SPG21: variants seen among roughly 807,000 people sequenced by gnomAD.
SPG21 encodes maspardin.
A neutral mutation model predicts 38.9 loss-of-function variants in SPG21; 26 were observed. The ratio of observed to expected loss-of-function variants is 0.67; its 90% CI spans 0.49 to 0.93. The LOEUF (loss-of-function observed/expected upper bound fraction) is 0.93. Ranked by LOEUF, SPG21 falls within the 40% of genes least tolerant of loss-of-function variation. The pLI, the probability that SPG21 is intolerant of heterozygous loss-of-function variation, is 0.00. For missense variants in SPG21, 333 were observed against 376.5 expected, an observed-to-expected ratio of 0.88 and a Z score of 0.96; for synonymous variants, 136 against 128.9, an observed-to-expected ratio of 1.05 and a Z score of -0.37.
chr15:64,970,676 T>G (rs2085644341), intron 5 of SPG21, among the ~76,000 whole-genome samples: 1 of 152,236 alleles, frequency 6.6e-6, no homozygotes, highest in African/African-American at 2.4e-5. Context: ...AATTTGCTAC[T>G]ATTAGATTCA....
At chr15:64,971,794 GCACTCC>G (rs1380494724) in intron 5 of SPG21, among the ~76,000 whole-genome samples, 1 of 152,170 alleles carries the variant, frequency 6.6e-6, no homozygotes, top group Non-Finnish European at 1.5e-5. Flanking sequence ...ACGTGCCACT[GCACTCC>G]AGCCTGGGCA....
intron 5 of SPG21, among the ~76,000 whole-genome samples, chr15:64,973,711 A>T (rs919815636): frequency 3.3e-5 from 5 of 152,170 alleles, no homozygotes; most frequent in Non-Finnish European, 7.3e-5. Flanking sequence ...GGCCTCCCAA[A>T]GTGCTGGGAT....
chr15:64,969,152 C>T, intron 7 of SPG21, 103 bp downstream of exon 7: 1 of 819,424 alleles, frequency 1.2e-6, no homozygotes, highest in South Asian at 1.4e-5. Context: ...GCCAAGGCAG[C>T]ATTTGAAGAG....
intron 2 of SPG21, among the ~76,000 whole-genome samples, chr15:64,982,158 T>C (rs2085898448): frequency 6.7e-6 from 1 of 148,992 alleles, no homozygotes; most frequent in South Asian, 2.1e-4. Context: ...TTTTTTTTTT[T>C]TTTTGAGACA....
chr15:64,980,707 C>T (rs1317270712), intron 3 of SPG21, among the ~76,000 whole-genome samples, 157 bp downstream of exon 3: 2 of 150,216 alleles, frequency 1.3e-5, no homozygotes, highest in African/African-American at 2.4e-5. Context: ...CACTGCACTC[C>T]AGCCCGGGCG....
intron 2 of SPG21, chr15:64,981,289 CTTTTTTTTT>C (rs34703670): frequency 7.1e-6 from 2 of 280,870 alleles, no homozygotes; most frequent in East Asian, 1.8e-4. Context: ...CCCCCTCCTC[CTTTTTTTTT>C]TTTTTTTTTG....
chr15:64,974,852 C>A, intron 4 of SPG21, 105 bp from the exon 5 acceptor site: 2 of 1,290,000 alleles, frequency 1.6e-6, no homozygotes, highest in Admixed American at 3.7e-5. Context: ...TATGTTATCA[C>A]TAGCCAATAG....
intron 7 of SPG21, among the ~76,000 whole-genome samples, chr15:64,966,994 T>A (rs2085552355): frequency 6.6e-6 from 1 of 152,142 alleles, no homozygotes; most frequent in African/African-American, 2.4e-5. Flanking sequence ...GATTTTTTTT[T>A]AAGTAAATTG....
In SPG21 at chr15:64,983,620, C is replaced by A. The variant is rs376095195; in HGVS notation, c.-24-27G>T. 5.0e-5 allele frequency: 66 copies of A among 1,323,974 alleles called. No homozygotes were observed. The African/African-American group carries it at 7.4e-4, about 15-fold the overall frequency. 82.0% of individuals were successfully genotyped at this position (1,323,974 alleles called of 1,614,324 possible). ...TGAAATAAAAGCATGTGATATTTCA[C>A]GTCAAGAATTCATGTTTACATCAGA... On this transcript the variant is annotated intron_variant, in intron 1 of 8. Coordinates refer to ENST00000204566, the MANE Select transcript of SPG21 (RefSeq NM_016630.7).
chr15:64,972,290 C>T (rs529720978), intron 5 of SPG21, among the ~76,000 whole-genome samples: 3 of 152,160 alleles, frequency 2.0e-5, no homozygotes, highest in Non-Finnish European at 2.9e-5. Flanking sequence ...TGACTTTGCT[C>T]ACTCCTGGAT....
intron 1 of SPG21, among the ~76,000 whole-genome samples, chr15:64,988,155 G>A (rs189714720): frequency 2.6e-5 from 4 of 152,236 alleles, no homozygotes; most frequent in Non-Finnish European, 5.9e-5. Context: ...CTGGGTGGCG[G>A]AGGTTGCAGT....
chr15:64,986,442 T>C (rs868147160), intron 1 of SPG21, among the ~76,000 whole-genome samples: 1 of 151,926 alleles, frequency 6.6e-6, no homozygotes, highest in Non-Finnish European at 1.5e-5. Flanking sequence ...TCCCAGCAGT[T>C]TGGGAGGCTG....
At chr15:64,989,558 A>T (rs2086073511) in intron 1 of SPG21, 107 bp downstream of exon 1, 1 of 153,798 alleles carries the variant, frequency 6.5e-6, no homozygotes, top group Non-Finnish European at 1.4e-5. Flanking sequence ...CACTCAGAAC[A>T]CACTCACAAA....
chr15:64,964,018 A>C (rs2085498589), intron 8 of SPG21, among the ~76,000 whole-genome samples: 1 of 152,098 alleles, frequency 6.6e-6, no homozygotes, highest in Admixed American at 6.5e-5. Flanking sequence ...CGGCCTCCCA[A>C]AGTGCCAGAT....
At chr15:64,970,475 T>C (rs1421434518) in intron 5 of SPG21, among the ~76,000 whole-genome samples, 2 of 152,222 alleles carry the variant, frequency 1.3e-5, no homozygotes, top group African/African-American at 4.8e-5. Context: ...TTTACTGAGA[T>C]AGACATTCTG....
intron 4 of SPG21, among the ~76,000 whole-genome samples, chr15:64,975,198 G>C (rs1474995976): frequency 6.6e-6 from 1 of 150,924 alleles, no homozygotes; most frequent in Non-Finnish European, 1.5e-5. Flanking sequence ...TGAGGCAGCA[G>C]AATCGCTTGA....
chr15:64,972,352 G>C (rs1223087055), intron 5 of SPG21, among the ~76,000 whole-genome samples: 1 of 152,208 alleles, frequency 6.6e-6, no homozygotes, highest in Non-Finnish European at 1.5e-5. Flanking sequence ...ATAAGCAGCT[G>C]ATGTGCCAGA....
chr15:64,986,307 G>A (rs891057038), intron 1 of SPG21, among the ~76,000 whole-genome samples: 2 of 151,940 alleles, frequency 1.3e-5, no homozygotes, highest in African/African-American at 4.8e-5. Flanking sequence ...CAGAGGTTGC[G>A]GTGAGCCAAG....
At chr15:64,968,227 C>T (rs1317665133) in intron 7 of SPG21, among the ~76,000 whole-genome samples, 4 of 150,130 alleles carry the variant, frequency 2.7e-5, no homozygotes, top group Non-Finnish European at 4.4e-5. Context: ...GTGGTCCAAG[C>T]TACTAAGGAG....
Sources: allele counts gnomAD v4.1 joint callset (sites outside exome capture counted in the v4.1 genomes callset), GRCh38; gene constraint gnomAD v4.1.1; transcripts MANE v1.5; gene names NCBI Gene and HGNC (gene_info 2026-07-23, HGNC 2026-07-21).